ZPBP: variants seen among roughly 807,000 people sequenced by gnomAD.
The protein encoded by ZPBP is zona pellucida binding protein, also known as zona pellucida-binding protein 1.
In ZPBP, 26 loss-of-function variants were observed where a neutral mutation model predicts 44.8. The ratio of observed to expected loss-of-function variants is 0.58; its 90% CI spans 0.43 to 0.81. ZPBP has a LOEUF of 0.81. Among genes scored for constraint, ZPBP ranks in the 30% least tolerant of loss-of-function variants. ZPBP has a pLI of 0.00. For missense variants in ZPBP, 409 were observed against 434.0 expected (o/e 0.94, Z 0.51); for synonymous variants, 174 against 153.2 (o/e 1.14, Z -1.00).
downstream of ZPBP, among the ~76,000 whole-genome samples, chr7:49,932,465 T>C (rs1421170875): frequency 6.6e-6 from 1 of 152,210 alleles, no homozygotes; most frequent in Admixed American, 6.5e-5. Context: ...GATTTTGGAC[T>C]TGCATGGGGC....
At chr7:49,959,152 A>G (rs1795737603) in intron 7 of ZPBP, among the ~76,000 whole-genome samples, 1 of 151,942 alleles carries the variant, frequency 6.6e-6, no homozygotes, top group African/African-American at 2.4e-5. Context: ...CATACTTAAA[A>G]GTGAAAGAGT....
chr7:49,872,678 G>T (rs1791210204), intron 2 of ZPBP, among the ~76,000 whole-genome samples: 1 of 151,218 alleles, frequency 6.6e-6, no homozygotes, highest in East Asian at 1.9e-4. Context: ...GGTCAAGGTG[G>T]GCGGATCACC....
At chr7:49,949,428 T>C (rs1438828530) in intron 7 of ZPBP, among the ~76,000 whole-genome samples, 2 of 152,146 alleles carry the variant, frequency 1.3e-5, no homozygotes, top group Admixed American at 1.3e-4. Context: ...TGTGTATAGG[T>C]ACAATAGAAT....
chr7:49,987,729 TG>T (rs1244781201), intron 6 of ZPBP, among the ~76,000 whole-genome samples: 13 of 606 alleles, frequency 0.021, no homozygotes, highest in African/African-American at 0.048. Flanking sequence ...ATATATGTGT[TG>T]TGTGTGTGTG....
intron 5 of ZPBP, among the ~76,000 whole-genome samples, chr7:50,026,345 G>A (rs1799326637): frequency 6.6e-6 from 1 of 151,804 alleles, no homozygotes; most frequent in African/African-American, 2.4e-5. Context: ...AATAGTGGAA[G>A]ACATCAATAC....
Position 50,024,844 on chromosome 7 carries a change from C to G in ZPBP, c.706+6248G>C, listed in dbSNP as rs186950564. Among the ~76,000 whole-genome samples, 519 of 151,824 alleles carry G rather than the reference C, an allele frequency of 3.4e-3. 1 individual carries two copies. The highest frequency in any genetic ancestry group is 4.5e-3 in the Non-Finnish European group (304 of 67,830). ...CATTTTACCATGAGTCATGCTCTTA[C>G]CATGGGGTGGAGGGGAAAAGAAAGA... is the stretch of plus-strand genomic sequence containing the variant. On this transcript the variant is annotated intron_variant, in intron 5 of 7. Coordinates refer to ENST00000046087, the MANE Select transcript of ZPBP (RefSeq NM_007009.3).
rs1213175876 is a variant in ZPBP at position 49,864,261 on chromosome 7, CAAA to C, written n.510-13750_510-13748del. Among the ~76,000 whole-genome samples, 3 of 151,518 alleles carry C rather than the reference CAAA, an allele frequency of 2.0e-5. No individual in the cohort carries two copies. The East Asian group carries it at 5.8e-4, about 29-fold the overall frequency. ...AAGAGAGGAAGACAGAGAAAGAAGA[CAAA>C]GAAGGAGGGAGGAGAAGATAGGAGA... On this transcript the variant is annotated intron_variant and non_coding_transcript_variant, in intron 2 of 2. Coordinates refer to the ZPBP transcript ENST00000465922.
intron 2 of ZPBP, among the ~76,000 whole-genome samples, chr7:49,878,535 T>C (rs187350381): frequency 4.3e-4 from 65 of 152,286 alleles, no homozygotes; most frequent in Middle Eastern, 3.4e-3. Context: ...ATTTTTTCAC[T>C]GTCTCCTGAC....
chr7:50,076,116 C>T (rs999458786), intron 3 of ZPBP, among the ~76,000 whole-genome samples: 1 of 151,624 alleles, frequency 6.6e-6, no homozygotes, highest in Non-Finnish European at 1.5e-5. Flanking sequence ...AATCAATCAG[C>T]GTGATATATC....
chr7:49,842,497 G>C, the ZPBP span, among the ~76,000 whole-genome samples: 1 of 152,134 alleles, frequency 6.6e-6, no homozygotes, highest in Non-Finnish European at 1.5e-5. Context: ...TAAGAAACTT[G>C]TGTTGAGAGT....
At chr7:50,069,999 C>T (rs773476888) in intron 3 of ZPBP, among the ~76,000 whole-genome samples, 6 of 152,176 alleles carry the variant, frequency 3.9e-5, no homozygotes, top group Non-Finnish European at 7.3e-5. Context: ...TTTCACACAT[C>T]TCCCTTGCCC....
chr7:49,870,043 G>A (rs758492133), intron 2 of ZPBP, among the ~76,000 whole-genome samples: 1 of 152,178 alleles, frequency 6.6e-6, no homozygotes, highest in South Asian at 2.1e-4. Flanking sequence ...CAGGAAAACC[G>A]ATCTATGGTG....
chr7:49,970,648 T>A (rs375614018), intron 7 of ZPBP, among the ~76,000 whole-genome samples: 1 of 151,574 alleles, frequency 6.6e-6, no homozygotes, highest in Non-Finnish European at 1.5e-5. Flanking sequence ...AAATCAATCA[T>A]TTAAAGAACA....
chr7:50,024,539 C>G (rs1317973871), intron 5 of ZPBP, among the ~76,000 whole-genome samples: 2 of 55,644 alleles, frequency 3.6e-5, no homozygotes, highest in Non-Finnish European at 8.2e-5. Flanking sequence ...TACAGATGAA[C>G]CTGAAGACAT....
At chr7:49,945,888 G>C (rs2128755487) in intron 7 of ZPBP, among the ~76,000 whole-genome samples, 1 of 151,874 alleles carries the variant, frequency 6.6e-6, no homozygotes, top group East Asian at 1.9e-4. Flanking sequence ...TTGTTTTCTG[G>C]TTGTTTTGTG....
intron 2 of ZPBP, among the ~76,000 whole-genome samples, chr7:49,865,314 T>A (rs1790832965): frequency 6.6e-6 from 1 of 152,218 alleles, no homozygotes; most frequent in African/African-American, 2.4e-5. Context: ...TTCTCTCCTA[T>A]CCATTTTGAT....
intron 3 of ZPBP, among the ~76,000 whole-genome samples, chr7:50,075,353 C>G (rs1802029499): frequency 6.6e-6 from 1 of 151,762 alleles, no homozygotes; most frequent in Non-Finnish European, 1.5e-5. Context: ...AACATTGCAT[C>G]TTGCAGAACT....
chr7:49,863,700 G>T (rs1468821562), intron 2 of ZPBP, among the ~76,000 whole-genome samples: 1 of 152,074 alleles, frequency 6.6e-6, no homozygotes, highest in African/African-American at 2.4e-5. Context: ...GAAAGTGCTG[G>T]GATTAGAGAC....
chr7:50,046,780 C>T (rs1298020358), intron 4 of ZPBP, among the ~76,000 whole-genome samples: 1 of 152,128 alleles, frequency 6.6e-6, no homozygotes, highest in Non-Finnish European at 1.5e-5. Flanking sequence ...TTTGACCCAG[C>T]AATCCCATTA....
Sources: gnomAD v4.1 joint callset for allele counts (sites outside exome capture counted in the v4.1 genomes callset) on GRCh38, gnomAD v4.1.1 for gene constraint, MANE v1.5 for transcripts, NCBI Gene and HGNC (gene_info 2026-07-23, HGNC 2026-07-21) for gene names.